TLE6: variants seen among roughly 807,000 people sequenced by gnomAD.
TLE6 encodes the protein transducin-like enhancer protein 6.
TLE6 carries 72 observed loss-of-function variants against 77.1 expected under a neutral mutation model. The observed-to-expected ratio is 0.93, with a 90% confidence interval of 0.77 to 1.14. The LOEUF is 1.14. Among genes scored for constraint, TLE6 ranks in the 50% most tolerant of loss-of-function variants. TLE6 has a pLI of 0.00. For missense variants in TLE6, 843 were observed against 747.6 expected, an observed-to-expected ratio of 1.13 and a Z score of -1.49; for synonymous variants, 366 against 287.3, an observed-to-expected ratio of 1.27 and a Z score of -2.77.
intron 14 of TLE6, among the ~76,000 whole-genome samples, chr19:2,993,026 TAAAAAAAAAA>T (rs377287142): frequency 6.2e-5 from 3 of 48,340 alleles, no homozygotes; most frequent in African/African-American, 1.4e-4. Context: ...CCGTCTCTAC[TAAAAAAAAAA>T]AAAAAAAAAA....
In TLE6 at chr19:2,987,901, C is replaced by A; in HGVS notation, c.629C>A (p.Pro210His). ...TDPCPEDAST[P>H]RPPEASSSPP... is the part of the protein sequence containing the mutation. ...GCCCCTCTTGTCTCCCCACTAGCCC[C>A]CAGGCCACCTGAGGCCTCCTCCAGT... Residue 210 changes from proline to histidine, a missense_variant, in exon 10 of 17, where the codon CCC (proline) becomes CAC (histidine). Coordinates refer to ENST00000246112, the MANE Select transcript of TLE6 (RefSeq NM_001143986.2). 1 of 1,609,806 alleles carries A rather than the reference C, an allele frequency of 6.2e-7. No homozygotes were observed. The highest frequency in any genetic ancestry group is 1.1e-5 in the South Asian group (1 of 90,736).
At chr19:2,988,263 G>A (rs1406367964) in intron 11 of TLE6, 135 bp downstream of exon 11, 7 of 1,014,512 alleles carry the variant, frequency 6.9e-6, no homozygotes, top group African/African-American at 4.9e-5. Context: ...TCACTACTCT[G>A]CCATCCTCTC....
At position 2,978,196 on chromosome 19, in the gene TLE6, A is replaced by G; in HGVS notation, c.-36-2A>G. ...AGACCTGCCGTCTCCTTGTTGTTTTAGACTCTGGCTAAAGTCTTGGAGGCT... is the reference window on the plus strand; with the variant it reads ...AGACCTGCCGTCTCCTTGTTGTTTTGGACTCTGGCTAAAGTCTTGGAGGCT... On this transcript the variant is annotated splice_acceptor_variant, in intron 1 of 16. Transcript: ENST00000246112. LOFTEE classifies it low-confidence loss of function (5UTR_SPLICE). The G allele has an allele frequency of 6.5e-7, 1 of 1,549,710 alleles. No individual in the cohort carries two copies. The highest frequency in any genetic ancestry group is 1.2e-5 in the South Asian group (1 of 84,016).
At chr19:2,983,993 G>A (rs745660173) in intron 5 of TLE6, 1 of 152,168 alleles carries the variant, frequency 6.6e-6, no homozygotes, top group Non-Finnish European at 1.5e-5. Flanking sequence ...CCCACTGCAG[G>A]GGGCCCCAGG....
chr19:2,990,660 AATATATACATAAATATATACATAAATAT>A (rs1568217223), intron 13 of TLE6, among the ~76,000 whole-genome samples: 138 of 141,850 alleles, frequency 9.7e-4, no homozygotes, highest in African/African-American at 3.4e-3. Flanking sequence ...TAAATACATA[AATATATACATAAATATATACATAAATAT>A]ATACATAAAT....
At chr19:2,991,313 C>T (rs1450295897) in intron 13 of TLE6, among the ~76,000 whole-genome samples, 2 of 140,598 alleles carry the variant, frequency 1.4e-5, no homozygotes, top group African/African-American at 2.6e-5. Flanking sequence ...GAGCTGAGAT[C>T]GTGCTGCTGC....
intron 5 of TLE6, among the ~76,000 whole-genome samples, chr19:2,983,238 C>T (rs1268291447): frequency 6.6e-6 from 1 of 152,172 alleles, no homozygotes; most frequent in Non-Finnish European, 1.5e-5. Flanking sequence ...CACCTCCTTG[C>T]CAAATACTGT....
In TLE6 at chr19:2,989,581, G is replaced by T; in HGVS notation, c.1040G>T (p.Arg347Met). ...ACCTGCCTGCTGTCCTCAAACAGCAGGAGCCTGCTCACCGGTGGCTACAAC... is the reference window on the plus strand; with the variant it reads ...ACCTGCCTGCTGTCCTCAAACAGCATGAGCCTGCTCACCGGTGGCTACAAC... ...LRTCLLSSNS[R>M]SLLTGGYNLA... is the part of the protein sequence containing the mutation. The change falls in exon 13 of 17, where the codon AGG becomes ATG. Residue 347 changes from arginine to methionine, a missense_variant. Physicochemically the swap from Arg to Met is moderately conservative, Grantham distance 91. Transcript: ENST00000246112. 2 of 1,613,712 alleles carry T rather than the reference G, an allele frequency of 1.2e-6. No homozygotes were observed. Among genetic ancestry groups the T allele is most frequent in the Non-Finnish European group, 1.7e-6 (2 of 1,179,946 alleles).
In TLE6 at chr19:2,979,992, A is replaced by T; in HGVS notation, c.52-108A>T. ...AAAAAAAAAAAAAAGCAAAAACCAC[A>T]ATTACTTTTGCACCAACCTAATGCC... is the stretch of plus-strand genomic sequence containing the variant. On this transcript the variant is annotated intron_variant, in intron 2 of 16. Transcript: ENST00000246112. 3.7e-6 allele frequency: 3 copies of T among 800,956 alleles called. No individual in the cohort carries two copies. In the South Asian group the frequency reaches 5.1e-5, roughly 14 times the overall value. The allele number at this position is 800,956 out of a possible 1,614,324, so 49.6% of individuals were successfully genotyped here.
chr19:2,992,820 A>G (rs1207361765), intron 14 of TLE6, among the ~76,000 whole-genome samples: 221 of 36,986 alleles, frequency 6.0e-3, no homozygotes, highest in Middle Eastern at 0.033. Context: ...GGGGGGGGGG[A>G]GGATGAACTC....
Position 2,994,054 on chromosome 19 carries a change from C to G in TLE6, c.1573C>G (p.Leu525Val). 1.2e-6 allele frequency: 2 copies of G among 1,608,716 alleles called. No individual in the cohort carries two copies. Among genetic ancestry groups the G allele is most frequent in the Non-Finnish European group, 1.7e-6 (2 of 1,178,154 alleles). The change falls in exon 16 of 17, where the codon CTT becomes GTT. Residue 525 changes from leucine to valine, a missense_variant. Physicochemically the swap from Leu to Val is conservative, Grantham distance 32 (BLOSUM62 1). Transcript: ENST00000246112. ...GGCAAGCGTTGGAATGGACGACTTCCTTGGCGTCTACAGCATGCCGGCGGG... is the reference window on the plus strand; with the variant it reads ...GGCAAGCGTTGGAATGGACGACTTCGTTGGCGTCTACAGCATGCCGGCGGG... ...WWASVGMDDF[L>V]GVYSMPAGTK...
chr19:2,993,054 CAG>C lies in TLE6; in HGVS notation c.1387-376_1387-375del, dbSNP rs1168330285. On this transcript the variant is annotated intron_variant, in intron 14 of 16. Coordinates refer to ENST00000246112, the MANE Select transcript of TLE6 (RefSeq NM_001143986.2). ...AAAAAAAAAAAAAAAAAAAAAAAAA[CAG>C]AATAATTAGCCAGGCATGGTGGCGC... Among the ~76,000 whole-genome samples the C allele has an allele frequency of 1.7e-4, 13 of 75,862 alleles. No homozygotes were observed. In the East Asian group the frequency reaches 3.6e-3, roughly 21 times the overall value. 49.8% of individuals were successfully genotyped at this position (75,862 alleles called of 152,430 possible).
chr19:2,987,267 G>A (rs2088935220), intron 7 of TLE6, 29 bp downstream of exon 7: 13 of 1,614,090 alleles, frequency 8.1e-6, no homozygotes, highest in Non-Finnish European at 1.0e-5. Flanking sequence ...GAGGGGGAAG[G>A]GGCAGCCACA....
intron 13 of TLE6, among the ~76,000 whole-genome samples, chr19:2,991,440 T>C (rs1222305799): frequency 6.7e-6 from 1 of 148,960 alleles, no homozygotes; most frequent in Non-Finnish European, 1.5e-5. Flanking sequence ...ATATAATATA[T>C]GTATTTATAA....
chr19:2,981,687 T>A, intron 4 of TLE6, 104 bp downstream of exon 4: 1 of 1,261,502 alleles, frequency 7.9e-7, no homozygotes, highest in Non-Finnish European at 1.1e-6. Flanking sequence ...GAGGTTCTTT[T>A]CCGCCAAGCA....
intron 1 of TLE6, 100 bp from the exon 2 acceptor site, chr19:2,978,098 T>C: frequency 1.2e-6 from 1 of 853,710 alleles, no homozygotes. Context: ...CCTGGAGACT[T>C]ACCAAACTGG....
intron 13 of TLE6, among the ~76,000 whole-genome samples, chr19:2,991,074 T>C (rs1343929038): frequency 1.4e-5 from 2 of 145,482 alleles, no homozygotes; most frequent in African/African-American, 5.2e-5. Context: ...ATTAAATATA[T>C]GTAAATAGGC....
chr19:2,985,793 G>A (rs1228571804), intron 5 of TLE6, among the ~76,000 whole-genome samples: 1 of 150,406 alleles, frequency 6.6e-6, no homozygotes, highest in South Asian at 2.1e-4. Flanking sequence ...AGAGTAGCTG[G>A]GGCCAGGTGT....
intron 14 of TLE6, among the ~76,000 whole-genome samples, chr19:2,992,794 G>A (rs1415778953): frequency 0.08 from 869 of 10,858 alleles, 102 homozygotes; most frequent in Non-Finnish European, 0.14. Flanking sequence ...AAAAAAAAAA[G>A]GGGGGGAGGC....
Sources: allele counts gnomAD v4.1 joint callset (sites outside exome capture counted in the v4.1 genomes callset), GRCh38; gene constraint gnomAD v4.1.1; transcripts MANE v1.5; gene names NCBI Gene and HGNC (gene_info 2026-07-23, HGNC 2026-07-21).